Variants in ITPR1 observed in about 807,000 individuals in gnomAD.
The protein encoded by ITPR1 is inositol 1,4,5-trisphosphate receptor type 1, also known as inositol 1,4,5-trisphosphate-gated calcium channel ITPR1.
ITPR1 carries 96 observed loss-of-function variants against 318.4 expected under a neutral mutation model. That is an observed-to-expected ratio of 0.30 (90% CI 0.26 to 0.36). The LOEUF is 0.36. Ranked by LOEUF, ITPR1 falls within the 10% of genes least tolerant of loss-of-function variation. The pLI is 1.00. For missense variants in ITPR1, 2,440 were observed against 3,460.2 expected (o/e 0.71, Z 7.40); for synonymous variants, 1,312 against 1,289.9 (o/e 1.02, Z -0.37).
chr3:4,513,003 AG>A (rs2081948023), intron 2 of ITPR1, among the ~76,000 whole-genome samples: 1 of 152,146 alleles, frequency 6.6e-6, no homozygotes, highest in Admixed American at 6.5e-5. Context: ...GCTCCGTGGC[AG>A]GTTGGCGCCA....
chr3:4,550,656 G>T (rs2085473616), intron 4 of ITPR1, among the ~76,000 whole-genome samples: 2 of 152,154 alleles, frequency 1.3e-5, no homozygotes, highest in African/African-American at 4.8e-5. Context: ...GAGGTAGGAG[G>T]ACTGCTTGAA....
chr3:4,553,480 A>T (rs7635333), intron 4 of ITPR1, among the ~76,000 whole-genome samples: 1 of 151,946 alleles, frequency 6.6e-6, no homozygotes, highest in African/African-American at 2.4e-5. Context: ...ACCCAGGCTG[A>T]AGTACAGTGG....
chr3:4,759,485 G>A (rs2045277070), intron 44 of ITPR1, among the ~76,000 whole-genome samples: 1 of 152,174 alleles, frequency 6.6e-6, no homozygotes, highest in Admixed American at 6.5e-5. Flanking sequence ...GCAGTCAGGG[G>A]AGGGAGGTTC....
At chr3:4,844,234 C>T (rs2051586406) in intron 61 of ITPR1, among the ~76,000 whole-genome samples, 1 of 151,854 alleles carries the variant, frequency 6.6e-6, no homozygotes, top group South Asian at 2.1e-4. Flanking sequence ...GATCCTCCCA[C>T]TCTTAGCTTC....
At chr3:4,699,964 C>T (rs768235779) in intron 35 of ITPR1, 23 bp downstream of exon 35, 2 of 1,607,812 alleles carry the variant, frequency 1.2e-6, no homozygotes, top group Non-Finnish European at 1.7e-6. Flanking sequence ...CAACGTCAAG[C>T]AGAATGTTCA....
chr3:4,821,596 CTG>C (rs2049724137), intron 60 of ITPR1, among the ~76,000 whole-genome samples: 1 of 152,202 alleles, frequency 6.6e-6, no homozygotes, highest in Non-Finnish European at 1.5e-5. Context: ...AAAGAGGTGT[CTG>C]TGTGCAGAGC....
At chr3:4,811,179 T>A in intron 55 of ITPR1, 86 bp from the exon 56 acceptor site, 1 of 931,636 alleles carries the variant, frequency 1.1e-6, no homozygotes, top group East Asian at 2.7e-5. Flanking sequence ...GAGGGCAAAC[T>A]CTCTATAAAC....
chr3:4,687,032 G>A (rs1456634033), intron 30 of ITPR1, among the ~76,000 whole-genome samples: 1 of 152,200 alleles, frequency 6.6e-6, no homozygotes, highest in Non-Finnish European at 1.5e-5. Context: ...AAAGCTGGGA[G>A]CTCACCTTCC....
At position 4,502,619 on chromosome 3, in the gene ITPR1, T is replaced by C. The variant is rs772543036; in HGVS notation, c.-17+8113T>C. 6.6e-4 allele frequency among the ~76,000 whole-genome samples: 100 copies of C among 151,974 alleles called. 1 individual carries two copies. Among genetic ancestry groups the C allele is most frequent in the Non-Finnish European group, 1.3e-3 (87 of 67,972 alleles). The stretch of plus-strand genomic sequence containing the variant: ...CCATGCCTAGCTAATTTTTATATTT[T>C]TAGTAGAGATGGGATTTCACCATGT... On this transcript the variant is annotated intron_variant, in intron 2 of 61. Coordinates refer to ENST00000649015, the MANE Select transcript of ITPR1 (RefSeq NM_001378452.1).
chr3:4,831,248 G>A (rs1343161115), intron 60 of ITPR1: 4 of 311,440 alleles, frequency 1.3e-5, no homozygotes, highest in Non-Finnish European at 1.9e-5. Flanking sequence ...TTCAGTGTTT[G>A]CCTTCGCAGG....
chr3:4,495,684 A>C (rs985013000), intron 2 of ITPR1, among the ~76,000 whole-genome samples: 1 of 152,244 alleles, frequency 6.6e-6, no homozygotes, highest in Admixed American at 6.5e-5. Context: ...GTCCAGAGCC[A>C]TGTATCTCAG....
intron 44 of ITPR1, among the ~76,000 whole-genome samples, chr3:4,759,706 A>C (rs1346055753): frequency 6.6e-6 from 1 of 152,184 alleles, no homozygotes; most frequent in Non-Finnish European, 1.5e-5. Flanking sequence ...CTTTATCCTA[A>C]GATGGTGTTT....
chr3:4,495,297 G>T (rs888134109), intron 2 of ITPR1, among the ~76,000 whole-genome samples: 8 of 151,934 alleles, frequency 5.3e-5, no homozygotes, highest in African/African-American at 1.9e-4. Flanking sequence ...AGAGGTAGGT[G>T]GGGGTGGGTG....
intron 4 of ITPR1, among the ~76,000 whole-genome samples, chr3:4,612,437 C>T (rs751730551): frequency 6.6e-6 from 1 of 152,076 alleles, no homozygotes; most frequent in East Asian, 1.9e-4. Context: ...CCCATGGATA[C>T]CAAAGGACAA....
At chr3:4,500,771 C>T (rs1391093362) in intron 2 of ITPR1, among the ~76,000 whole-genome samples, 1 of 152,120 alleles carries the variant, frequency 6.6e-6, no homozygotes, top group Non-Finnish European at 1.5e-5. Context: ...AGGAATGTTA[C>T]TCTTGTTCTG....
Position 4,779,410 on chromosome 3 carries a change from C to T in ITPR1, c.6292-140C>T. 1.6e-6 allele frequency: 1 copy of T among 628,204 alleles called. No homozygotes were observed. Among genetic ancestry groups the T allele is most frequent in the African/African-American group, 1.8e-5 (1 of 55,314 alleles). The allele number at this position is 628,204 out of a possible 1,614,324, so 38.9% of individuals were successfully genotyped here. On this transcript the variant is annotated intron_variant, in intron 48 of 61. Coordinates refer to ENST00000649015, the MANE Select transcript of ITPR1 (RefSeq NM_001378452.1). The surrounding 1 kb of genome is among the most constrained non-coding windows in gnomAD (Gnocchi z 4.0). ...CCTGGTGCAGATGGATTTTGATGTC[C>T]TTAACCCAGAGCTTCCTCATGGGGT...
At chr3:4,592,053 C>A (rs550283099) in intron 4 of ITPR1, among the ~76,000 whole-genome samples, 13 of 152,104 alleles carry the variant, frequency 8.5e-5, no homozygotes, top group Non-Finnish European at 1.6e-4. Flanking sequence ...AGGTTAATTC[C>A]GAGCTGGGGT....
At chr3:4,712,002 G>GAAAA in intron 39 of ITPR1, 134 bp downstream of exon 39, 1 of 518,340 alleles carries the variant, frequency 1.9e-6, no homozygotes, top group Non-Finnish European at 3.5e-6. Flanking sequence ...AAGAAAGAAA[G>GAAAA]AAAAAGCTGT....
At chr3:4,599,881 T>G (rs749681487) in intron 4 of ITPR1, among the ~76,000 whole-genome samples, 4 of 152,184 alleles carry the variant, frequency 2.6e-5, no homozygotes, top group Admixed American at 2.6e-4. Context: ...TTGTCAGTTT[T>G]GACGTATGTA....
Sources: allele counts gnomAD v4.1 joint callset (sites outside exome capture counted in the v4.1 genomes callset), GRCh38; gene constraint gnomAD v4.1.1; non-coding constraint Gnocchi (gnomAD v3.1); transcripts MANE v1.5; gene names NCBI Gene and HGNC (gene_info 2026-07-23, HGNC 2026-07-21).